ZNF362: variants seen among roughly 807,000 people sequenced by gnomAD.
The protein encoded by ZNF362 is rotund homolog.
ZNF362 carries 11 observed loss-of-function variants against 42.9 expected under a neutral mutation model. The ratio of observed to expected loss-of-function variants is 0.26; its 90% CI spans 0.16 to 0.42. The LOEUF (loss-of-function observed/expected upper bound fraction) is 0.42. ZNF362 is among the 20% of genes least tolerant of loss of function. The pLI, the probability that ZNF362 is intolerant of heterozygous loss-of-function variation, is 1.00. For synonymous variants in ZNF362, 255 were observed against 257.3 expected, an observed-to-expected ratio of 0.99 and a Z score of 0.09; for missense variants, 362 against 576.2, an observed-to-expected ratio of 0.63 and a Z score of 3.81.
At chr1:33,265,336 G>T (rs918622873) in intron 1 of ZNF362, among the ~76,000 whole-genome samples, 2 of 151,662 alleles carry the variant, frequency 1.3e-5, no homozygotes, top group Non-Finnish European at 2.9e-5. Flanking sequence ...GAGGGGGAGG[G>T]ACAGTGAGGG....
At chr1:33,267,827 CAT>C (rs1645875155) in intron 1 of ZNF362, among the ~76,000 whole-genome samples, 1 of 152,112 alleles carries the variant, frequency 6.6e-6, no homozygotes, top group Admixed American at 6.5e-5. Flanking sequence ...CAGCTTTGTA[CAT>C]ATAACTTTTT....
the ZNF362 span, among the ~76,000 whole-genome samples, chr1:33,129,097 T>C: frequency 6.6e-6 from 1 of 152,026 alleles, no homozygotes; most frequent in African/African-American, 2.4e-5. This position sits in a 1 kb window ranked among gnomAD's most constrained non-coding sequence, Gnocchi z 4.1. Flanking sequence ...TACAAGGGAA[T>C]GGTAGTTTGA....
At chr1:33,285,281 G>A (rs1260737971) in intron 6 of ZNF362, among the ~76,000 whole-genome samples, 3 of 152,086 alleles carry the variant, frequency 2.0e-5, no homozygotes, top group African/African-American at 2.4e-5. Flanking sequence ...GAGTGTGGTG[G>A]TGCATGCCTG....
chr1:33,255,683 C>T (rs1645782066), upstream of ZNF362, among the ~76,000 whole-genome samples: 1 of 152,176 alleles, frequency 6.6e-6, no homozygotes, highest in African/African-American at 2.4e-5. Context: ...CAGCTTCGGG[C>T]CGCCCCATCC....
chr1:33,183,919 T>C, the ZNF362 span, among the ~76,000 whole-genome samples: 15 of 152,014 alleles, frequency 9.9e-5, no homozygotes, highest in Admixed American at 7.9e-4. Flanking sequence ...AGTTTAACAG[T>C]AGTGCATTGT....
intron 6 of ZNF362, among the ~76,000 whole-genome samples, chr1:33,289,977 G>A (rs1007634535): frequency 3.3e-5 from 5 of 152,200 alleles, no homozygotes; most frequent in Non-Finnish European, 5.9e-5. Flanking sequence ...TTAGCCAGGT[G>A]TTAACTGAGG....
the ZNF362 span, chr1:33,165,599 G>A: frequency 3.8e-6 from 6 of 1,565,556 alleles, no homozygotes; most frequent in South Asian, 2.3e-5. The surrounding 1 kb of genome is among the most constrained non-coding windows in gnomAD (Gnocchi z 4.0). Context: ...ATGGGGGCAG[G>A]GGCCATGCCT....
At chr1:33,181,557 C>T in the ZNF362 span, 12 of 1,415,350 alleles carry the variant, frequency 8.5e-6, no homozygotes, top group Non-Finnish European at 1.0e-5. The surrounding 1 kb of genome is among the most constrained non-coding windows in gnomAD (Gnocchi z 6.5). Context: ...GGGGTAGGAG[C>T]TACCGGAGAA....
At chr1:33,193,965 A>G in the ZNF362 span, among the ~76,000 whole-genome samples, 1 of 152,240 alleles carries the variant, frequency 6.6e-6, no homozygotes, top group Non-Finnish European at 1.5e-5. Flanking sequence ...TACGCCAAAA[A>G]TTAGGATTAT....
the ZNF362 span, among the ~76,000 whole-genome samples, chr1:33,183,760 T>C: frequency 1.3e-5 from 2 of 152,214 alleles, no homozygotes; most frequent in Non-Finnish European, 2.9e-5. Flanking sequence ...TGCTTGGAAT[T>C]GCAACAGCCA....
At position 33,280,010 on chromosome 1, in the gene ZNF362, T is replaced by C; in HGVS notation, c.350-114T>C. 3 of 1,277,380 alleles carry C rather than the reference T, an allele frequency of 2.3e-6. No homozygotes were observed. Among genetic ancestry groups the C allele is most frequent in the Admixed American group, 2.9e-5 (1 of 34,242 alleles). 79.1% of individuals were successfully genotyped at this position (1,277,380 alleles called of 1,614,324 possible). On this transcript the variant is annotated intron_variant, in intron 4 of 8. Coordinates refer to ENST00000539719, the MANE Select transcript of ZNF362 (RefSeq NM_152493.3). The surrounding 1 kb of genome is among the most constrained non-coding windows in gnomAD (Gnocchi z 5.6). ...GTCTCATTTAGTTACCCCTGGGTAA[T>C]AACTTATGAACGTTAAGGGGATGCT...
the ZNF362 span, among the ~76,000 whole-genome samples, chr1:33,242,137 A>G: frequency 2.6e-5 from 4 of 152,162 alleles, no homozygotes; most frequent in Admixed American, 2.6e-4. Context: ...GGTGTGCAGC[A>G]AGCCACTGAG....
the ZNF362 span, among the ~76,000 whole-genome samples, chr1:33,215,808 G>A: frequency 2.0e-5 from 3 of 151,812 alleles, no homozygotes; most frequent in Non-Finnish European, 4.4e-5. Context: ...ATATGCTGAT[G>A]CTTGTAATGT....
upstream of ZNF362, among the ~76,000 whole-genome samples, chr1:33,253,825 C>T (rs1047621650): frequency 6.6e-5 from 10 of 152,018 alleles, no homozygotes; most frequent in African/African-American, 1.4e-4. Flanking sequence ...TCAGCAATGC[C>T]GTGATTAATA....
the ZNF362 span, among the ~76,000 whole-genome samples, chr1:33,157,760 T>C: frequency 2.0e-5 from 3 of 151,886 alleles, no homozygotes; most frequent in East Asian, 3.9e-4. Flanking sequence ...TTTTTTTTTT[T>C]CTTCCTTTTT....
chr1:33,295,351 TC>T, intron 8 of ZNF362, 46 bp downstream of exon 8: 1 of 1,596,116 alleles, frequency 6.3e-7, no homozygotes, highest in Non-Finnish European at 8.5e-7. Context: ...AGCCACTTCG[TC>T]TTCCAGGCCT....
intron 6 of ZNF362, among the ~76,000 whole-genome samples, chr1:33,285,090 T>G (rs1324586642): frequency 6.6e-6 from 1 of 152,124 alleles, no homozygotes; most frequent in Non-Finnish European, 1.5e-5. Flanking sequence ...AGTCCTCTAT[T>G]AAGGTATAAT....
At chr1:33,128,806 C>T in the ZNF362 span, among the ~76,000 whole-genome samples, 1 of 152,186 alleles carries the variant, frequency 6.6e-6, no homozygotes, top group East Asian at 1.9e-4. Context: ...CTACTAAATC[C>T]TACTTATGGA....
At chr1:33,274,130 C>T (rs907939005) in intron 2 of ZNF362, among the ~76,000 whole-genome samples, 4 of 152,180 alleles carry the variant, frequency 2.6e-5, no homozygotes, top group African/African-American at 7.2e-5. Flanking sequence ...GGGTCGCAGC[C>T]GTGTCATCCT....
Sources: gnomAD v4.1 joint callset for allele counts (sites outside exome capture counted in the v4.1 genomes callset) on GRCh38, gnomAD v4.1.1 for gene constraint, Gnocchi (gnomAD v3.1) non-coding constraint, MANE v1.5 for transcripts, NCBI Gene and HGNC (gene_info 2026-07-23, HGNC 2026-07-21) for gene names.